ABI3: variants seen among roughly 807,000 people sequenced by gnomAD.
The protein encoded by ABI3 is ABI family member 3.
Under a neutral mutation model 37.0 loss-of-function variants are expected in ABI3, and 24 were observed. The observed-to-expected ratio is 0.65, with a 90% CI of 0.47 to 0.91. ABI3 has a LOEUF of 0.91. Among genes scored for constraint, ABI3 ranks in the 40% least tolerant of loss-of-function variants. The pLI, the probability that ABI3 is intolerant of heterozygous loss-of-function variation, is 0.00. For synonymous variants in ABI3, 220 were observed against 211.8 expected, an observed-to-expected ratio of 1.04 and a Z score of -0.34; for missense variants, 481 against 485.1, an observed-to-expected ratio of 0.99 and a Z score of 0.08.
chr17:49,218,012 A>C, intron 3 of ABI3, 97 bp downstream of exon 3: 1 of 1,249,760 alleles, frequency 8.0e-7, no homozygotes, highest in Non-Finnish European at 1.1e-6. Flanking sequence ...TTTTGTCCCC[A>C]CTTGCCACTC....
intron 1 of ABI3, among the ~76,000 whole-genome samples, chr17:49,215,236 A>G (rs1212680931): frequency 6.6e-6 from 1 of 152,198 alleles, no homozygotes; most frequent in Non-Finnish European, 1.5e-5. Context: ...CCAATGGCCA[A>G]TGTGGCTGAA....
chr17:49,222,476 T>TCC (rs2143548367), intron 7 of ABI3, 76 bp from the exon 8 acceptor site: 1 of 1,534,376 alleles, frequency 6.5e-7, no homozygotes, highest in South Asian at 1.2e-5. Context: ...AGACCGTGCA[T>TCC]CCCCATGGTG....
chr17:49,213,936 A>T (rs2143515192), intron 1 of ABI3, among the ~76,000 whole-genome samples: 1 of 152,332 alleles, frequency 6.6e-6, no homozygotes, highest in Non-Finnish European at 1.5e-5. Context: ...TCCTGGGTTG[A>T]TTTCTTTGCC....
Position 49,217,871 on chromosome 17 carries a change from C to T in ABI3, c.418C>T (p.Pro140Ser). The stretch of plus-strand genomic sequence containing the variant: ...CCCTCTCACGCCCTACTGCAGGAGA[C>T]CCCTCAACTTTGGCTGCCTGGACGA... ...LPPLTPYCRR[P>S]LNFGCLDDIG... Residue 140 changes from proline to serine, a missense_variant, in exon 3 of 8, where the codon CCC becomes TCC. Coordinates refer to ENST00000225941, the MANE Select transcript of ABI3 (RefSeq NM_016428.3). The T allele has an allele frequency of 6.3e-7, 1 of 1,586,418 alleles. No homozygotes were observed. Among genetic ancestry groups the T allele is most frequent in the Non-Finnish European group, 8.6e-7 (1 of 1,168,622 alleles).
chr17:49,221,198 T>C (rs920400536), intron 6 of ABI3, among the ~76,000 whole-genome samples: 6 of 140,374 alleles, frequency 4.3e-5, no homozygotes, highest in African/African-American at 1.6e-4. Context: ...AGGCCGGGTG[T>C]GGTGGCTCAC....
chr17:49,219,053 C>T lies in ABI3; in HGVS notation c.463-487C>T, dbSNP rs767410033. On this transcript the variant is annotated intron_variant, in intron 3 of 7. Coordinates refer to ENST00000225941, the MANE Select transcript of ABI3 (RefSeq NM_016428.3). This position sits in a 1 kb window ranked among gnomAD's most constrained non-coding sequence, Gnocchi z 4.3. Reference sequence around the variant, plus strand: ...TCCCTCTTTCATGTAGGCGTGCACCCTGTCATTTGCGCATCCCCTCTAAGT... The same window carrying T: ...TCCCTCTTTCATGTAGGCGTGCACCTTGTCATTTGCGCATCCCCTCTAAGT... Among the ~76,000 whole-genome samples, 2 of 152,180 alleles carry T rather than the reference C, an allele frequency of 1.3e-5. No homozygotes were observed. Among genetic ancestry groups the T allele is most frequent in the Non-Finnish European group, 2.9e-5 (2 of 68,034 alleles).
chr17:49,220,269 G>A lies in ABI3; in HGVS notation c.745G>A (p.Ala249Thr). The A allele has an allele frequency of 6.2e-7, 1 of 1,607,406 alleles. No homozygotes were observed. The highest frequency in any genetic ancestry group is 8.5e-7 in the Non-Finnish European group (1 of 1,177,542). ...CTTGGACCCACCTCCTCCACCAGCA[G>A]CCGTCGAGGTGTTCCAGCGGCCTCC... is the stretch of plus-strand genomic sequence containing the variant. ...SSLDPPPPPA[A>T]VEVFQRPPTL... is the part of the protein sequence containing the mutation. The change falls in exon 6 of 8, where the codon GCC becomes ACC. Residue 249 changes from alanine to threonine, a missense_variant. Coordinates refer to ENST00000225941, the MANE Select transcript of ABI3 (RefSeq NM_016428.3).
At chr17:49,214,165 G>A (rs1345819306) in intron 1 of ABI3, among the ~76,000 whole-genome samples, 1 of 152,192 alleles carries the variant, frequency 6.6e-6, no homozygotes, top group East Asian at 1.9e-4. Flanking sequence ...TTGTAGGTCT[G>A]TTCTCCATTG....
chr17:49,218,407 A>G (rs555222078), intron 3 of ABI3, among the ~76,000 whole-genome samples: 10 of 152,226 alleles, frequency 6.6e-5, no homozygotes, highest in Admixed American at 5.2e-4. Context: ...TTCTCAGCCT[A>G]TGTCCTTCTG....
chr17:49,217,767 C>G lies in ABI3; in HGVS notation c.314C>G (p.Ala105Gly). The change falls in exon 3 of 8, where the codon GCC (alanine) becomes GGC (glycine). Residue 105 changes from alanine to glycine, a missense_variant. Coordinates refer to ENST00000225941, the MANE Select transcript of ABI3 (RefSeq NM_016428.3). ...QMVNMHMEKV[A>G]RREIGTLATV... ...GTGAACATGCATATGGAGAAGGTGG[C>G]CCGAAGGGAGATCGGCACCTTAGCC... is the stretch of plus-strand genomic sequence containing the variant. 6.2e-7 allele frequency: 1 copy of G among 1,610,662 alleles called. No individual in the cohort carries two copies. The highest frequency in any genetic ancestry group is 8.5e-7 in the Non-Finnish European group (1 of 1,178,516).
At chr17:49,216,749 C>A in intron 2 of ABI3, 51 bp downstream of exon 2, 1 of 1,374,354 alleles carries the variant, frequency 7.3e-7, no homozygotes, top group South Asian at 1.8e-5. Context: ...CTCAACTCTT[C>A]AGCCCGACTC....
Position 49,219,727 on chromosome 17 carries a change from T to G in ABI3, c.548+102T>G. The G allele has an allele frequency of 7.1e-7, 1 of 1,411,904 alleles. No individual in the cohort carries two copies. The highest frequency in any genetic ancestry group is 9.7e-7 in the Non-Finnish European group (1 of 1,031,174). 87.5% of individuals were successfully genotyped at this position (1,411,904 alleles called of 1,614,324 possible). On this transcript the variant is annotated intron_variant, in intron 4 of 7. Coordinates refer to ENST00000225941, the MANE Select transcript of ABI3 (RefSeq NM_016428.3). This position sits in a 1 kb window ranked among gnomAD's most constrained non-coding sequence, Gnocchi z 4.3. The stretch of plus-strand genomic sequence containing the variant: ...ACCCACCCCTGGCGCCCCCGGGTGC[T>G]CAGGCCGTCATGCTGGATGCCTGGC...
At chr17:49,222,256 G>A in intron 7 of ABI3, 31 bp downstream of exon 7, 1 of 1,604,966 alleles carries the variant, frequency 6.2e-7, no homozygotes, top group Non-Finnish European at 8.5e-7. Flanking sequence ...AGGGGCACCG[G>A]ATCCCACTTC....
chr17:49,220,294 C>A lies in ABI3; in HGVS notation c.770C>A (p.Pro257His). Residue 257 changes from proline to histidine, a missense_variant, in exon 6 of 8, where the codon CCC becomes CAC. By Grantham distance (77) the Pro-to-His change is moderately conservative. Coordinates refer to ENST00000225941, the MANE Select transcript of ABI3 (RefSeq NM_016428.3). The part of the protein sequence containing the change: ...PAAVEVFQRP[P>H]TLEELSPPPP... Reference sequence around the variant, plus strand: ...GCCGTCGAGGTGTTCCAGCGGCCTCCCACGCTGGAGGAGTTGTCCCCACCC... The same window carrying A: ...GCCGTCGAGGTGTTCCAGCGGCCTCACACGCTGGAGGAGTTGTCCCCACCC... 1 of 1,599,264 alleles carries A rather than the reference C, an allele frequency of 6.3e-7. No individual in the cohort carries two copies. The highest frequency in any genetic ancestry group is 2.3e-5 in the East Asian group (1 of 44,300).
At position 49,222,635 on chromosome 17, in the gene ABI3, T is replaced by A. The variant is rs889485846; in HGVS notation, c.1021T>A (p.Tyr341Asn). The A allele has an allele frequency of 2.5e-6, 4 of 1,613,810 alleles. No homozygotes were observed. The highest frequency in any genetic ancestry group is 3.4e-6 in the Non-Finnish European group (4 of 1,179,978). Residue 341 changes from tyrosine (Y) to asparagine (N), a missense_variant, in exon 8 of 8, where the codon TAC (tyrosine) becomes AAC (asparagine). Physicochemically the swap from Tyr to Asn is moderately radical, Grantham distance 143. Coordinates refer to ENST00000225941, the MANE Select transcript of ABI3 (RefSeq NM_016428.3). ...EGTVICVTRR[Y>N]SDGWCEGVSS... is the part of the protein sequence containing the mutation. ...CACTGTCATCTGTGTCACTCGCCGC[T>A]ACTCCGATGGCTGGTGCGAGGGCGT...
Position 49,219,325 on chromosome 17 carries a change from G to A in ABI3, c.463-215G>A, listed in dbSNP as rs536251101. On this transcript the variant is annotated intron_variant, in intron 3 of 7. Coordinates refer to ENST00000225941, the MANE Select transcript of ABI3 (RefSeq NM_016428.3). The surrounding 1 kb of genome is among the most constrained non-coding windows in gnomAD (Gnocchi z 4.3). ...TGGCTGTGCAGAGGAAGTGGCTGTG[G>A]GCTTTGGTAGAACTGAGTCCCAGAA... 1.6e-3 allele frequency among the ~76,000 whole-genome samples: 240 copies of A among 152,220 alleles called. No individual in the cohort carries two copies. Among genetic ancestry groups the A allele is most frequent in the Non-Finnish European group, 2.7e-3 (181 of 68,018 alleles).
Position 49,216,514 on chromosome 17 carries a change from G to A in ABI3, c.118-17G>A. 1 of 1,546,442 alleles carries A rather than the reference G, an allele frequency of 6.5e-7. No individual in the cohort carries two copies. Among genetic ancestry groups the A allele is most frequent in the Non-Finnish European group, 8.7e-7 (1 of 1,145,098 alleles). ...TGGAAGATGCTGGCCCTTAGGCCAG[G>A]GCTGTGTGTATTTCAGGCCACAGAC... is the stretch of plus-strand genomic sequence containing the variant. On this transcript the variant is annotated splice_polypyrimidine_tract_variant and intron_variant, in intron 1 of 7. Transcript: ENST00000225941.
At position 49,210,937 on chromosome 17, in the gene ABI3, C is replaced by T; in HGVS notation, c.117+96C>T. On this transcript the variant is annotated intron_variant, in intron 1 of 7. Coordinates refer to ENST00000225941, the MANE Select transcript of ABI3 (RefSeq NM_016428.3). This position sits in a 1 kb window ranked among gnomAD's most constrained non-coding sequence, Gnocchi z 4.2. The stretch of plus-strand genomic sequence containing the variant: ...GGCCCTGGGACCCATCCTGACAGTG[C>T]TTGTCCTGGGCCTTGGCTGAGAAAT... The T allele has an allele frequency of 1.0e-6, 1 of 1,001,020 alleles. No homozygotes were observed. Among genetic ancestry groups the T allele is most frequent in the Non-Finnish European group, 1.5e-6 (1 of 681,232 alleles). The allele number at this position is 1,001,020 out of a possible 1,614,324, so 62.0% of individuals were successfully genotyped here.
chr17:49,220,191 G>A lies in ABI3; in HGVS notation c.667G>A (p.Ala223Thr), dbSNP rs756329744. 213 of 1,611,882 alleles carry A rather than the reference G, an allele frequency of 1.3e-4. No homozygotes were observed. The highest frequency in any genetic ancestry group is 1.8e-4 in the Non-Finnish European group (210 of 1,179,892). Residue 223 changes from alanine to threonine, a missense_variant, in exon 6 of 8, where the codon GCC (alanine) becomes ACC (threonine). Ala to Thr is a moderately conservative substitution (Grantham distance 58). Coordinates refer to ENST00000225941, the MANE Select transcript of ABI3 (RefSeq NM_016428.3). ...SAGSAEGVGG[A>T]PTPKGQAAPP... ...CAGCAGCGCCGAAGGTGTCGGTGGG[G>A]CCCCCACGCCCAAGGGGCAGGCAGC...
Sources: gnomAD v4.1 joint callset for allele counts (sites outside exome capture counted in the v4.1 genomes callset) on GRCh38, gnomAD v4.1.1 for gene constraint, Gnocchi (gnomAD v3.1) non-coding constraint, MANE v1.5 for transcripts, NCBI Gene and HGNC (gene_info 2026-07-23, HGNC 2026-07-21) for gene names.